SERPINA5: variants seen among roughly 807,000 people sequenced by gnomAD.
SERPINA5 encodes the protein serpin family A member 5.
A neutral mutation model predicts 25.3 loss-of-function variants in SERPINA5; 25 were observed. The ratio of observed to expected loss-of-function variants is 0.99; its 90% CI spans 0.72 to 1.38. The LOEUF is 1.38. Among genes scored for constraint, SERPINA5 ranks in the 40% most tolerant of loss-of-function variants. The pLI, the probability that SERPINA5 is intolerant of heterozygous loss-of-function variation, is 0.00. For synonymous variants in SERPINA5, 234 were observed against 206.2 expected (o/e 1.14, Z -1.16); for missense variants, 599 against 509.5 (o/e 1.18, Z -1.69).
intron 2 of SERPINA5, among the ~76,000 whole-genome samples, chr14:94,583,104 G>A (rs573829072): frequency 4.3e-4 from 65 of 152,352 alleles, no homozygotes; most frequent in Middle Eastern, 3.4e-3. Context: ...GCCAGGTGCA[G>A]CCAGGTCACA....
At position 94,590,776 on chromosome 14, in the gene SERPINA5, C is replaced by T. The variant is rs1324681090; in HGVS notation, c.918C>T (p.Phe306=). ...AGCTCGAGCTTTACCTTCCCAAATT[C>T]TCCATTGAGGGCTCCTATCAGCTGG... ...KRQLELYLPK[F]SIEGSYQLEK... is the part of the protein sequence containing the mutation. The change falls in exon 5 of 6, where the codon TTC becomes TTT. Residue 306 remains phenylalanine, a synonymous_variant. Coordinates refer to ENST00000329597, the MANE Select transcript of SERPINA5 (RefSeq NM_000624.6). The T allele has an allele frequency of 7.4e-6, 12 of 1,613,864 alleles. No individual in the cohort carries two copies. The highest frequency in any genetic ancestry group is 1.3e-5 in the African/African-American group (1 of 74,894).
chr14:94,590,397 T>C lies in SERPINA5; in HGVS notation c.890+86T>C, dbSNP rs1566838755. 9 of 1,464,150 alleles carry C rather than the reference T, an allele frequency of 6.1e-6. No homozygotes were observed. In the South Asian group the frequency reaches 1.2e-4, roughly 19 times the overall value. 90.7% of individuals were successfully genotyped at this position (1,464,150 alleles called of 1,614,324 possible). On this transcript the variant is annotated intron_variant, in intron 4 of 5. Coordinates refer to ENST00000329597, the MANE Select transcript of SERPINA5 (RefSeq NM_000624.6). ...CCCTACCAGGGCCACACAGCACTGG[T>C]GGGAAGGACTCACCCAGCCAAGGAG...
rs551426115 is a variant in SERPINA5 at position 94,592,094 on chromosome 14, G to T, written c.1076G>T (p.Gly359Val). 1 of 1,613,960 alleles carries T rather than the reference G, an allele frequency of 6.2e-7. No individual in the cohort carries two copies. The highest frequency in any genetic ancestry group is 1.3e-5 in the African/African-American group (1 of 75,054). Residue 359 changes from glycine (G) to valine (V), a missense_variant, in exon 6 of 6, where the codon GGA becomes GTA. Transcript: ENST00000329597. ...HKAVVEVDESGTRAAAATGTI... is the reference protein window; with the variant it reads ...HKAVVEVDESVTRAAAATGTI... ...GCTGTGGTGGAGGTGGACGAGTCGGGAACCAGAGCAGCGGCAGCCACGGGG... is the reference window on the plus strand; with the variant it reads ...GCTGTGGTGGAGGTGGACGAGTCGGTAACCAGAGCAGCGGCAGCCACGGGG...
rs564032574 is a variant in SERPINA5, at chr14:94,583,931, G to A, written c.-18+2221G>A. The stretch of plus-strand genomic sequence containing the variant: ...CCACCAGAGGCCCAAGAGTGCGATG[G>A]CAAACCCTGGATTTGAAACTAAGAA... On this transcript the variant is annotated intron_variant, in intron 2 of 5. Transcript: ENST00000329597. 2.6e-5 allele frequency among the ~76,000 whole-genome samples: 4 copies of A among 152,282 alleles called. No individual in the cohort carries two copies. The South Asian group carries it at 8.3e-4, about 32-fold the overall frequency.
chr14:94,587,109 C>G (rs1385171861), intron 2 of SERPINA5: 1 of 471,502 alleles, frequency 2.1e-6, no homozygotes, highest in Non-Finnish European at 3.7e-6. Flanking sequence ...CAGCCAGACC[C>G]CTGCCTTGGG....
At chr14:94,585,901 G>A (rs1423819642) in intron 2 of SERPINA5, among the ~76,000 whole-genome samples, 7 of 152,180 alleles carry the variant, frequency 4.6e-5, no homozygotes, top group East Asian at 1.9e-4. Flanking sequence ...TCCATAGCAC[G>A]TGCCCCCAAG....
Position 94,587,095 on chromosome 14 carries a change from C to T in SERPINA5, c.-17-251C>T, listed in dbSNP as rs1293155902. On this transcript the variant is annotated intron_variant, in intron 2 of 5. Transcript: ENST00000329597. ...TGGATGGGTAGACAGGATTCCTGCC[C>T]TGGCAGCCAGACCCCTGCCTTGGGT... 9 of 447,088 alleles carry T rather than the reference C, an allele frequency of 2.0e-5. No homozygotes were observed. The South Asian group carries it at 2.7e-4, about 14-fold the overall frequency. 27.7% of individuals were successfully genotyped at this position (447,088 alleles called of 1,614,324 possible). A position where few individuals can be genotyped will look rare whatever the true frequency, so the allele number is the denominator to read the frequency against.
At position 94,587,914 on chromosome 14, in the gene SERPINA5, T is replaced by A. The variant is rs1456435469; in HGVS notation, c.552T>A (p.Ile184=). 6.2e-7 allele frequency: 1 copy of A among 1,614,224 alleles called. No homozygotes were observed. Among genetic ancestry groups the A allele is most frequent in the East Asian group, 2.2e-5 (1 of 44,876 alleles). ...DYVAKQTKGK[I]VDLLKNLDSN... The stretch of plus-strand genomic sequence containing the variant: ...TGGCAAAGCAAACGAAGGGCAAGAT[T>A]GTGGACTTGCTTAAGAACCTCGATA... Residue 184 remains isoleucine, a synonymous_variant, in exon 3 of 6, where the codon ATT becomes ATA. Coordinates refer to ENST00000329597, the MANE Select transcript of SERPINA5 (RefSeq NM_000624.6).
intron 2 of SERPINA5, among the ~76,000 whole-genome samples, chr14:94,584,426 G>C (rs1282383572): frequency 6.6e-6 from 1 of 152,094 alleles, no homozygotes; most frequent in African/African-American, 2.4e-5. Context: ...CAAGATTTCT[G>C]GGTCTCAAAC....
In SERPINA5 at chr14:94,592,271, A is replaced by T. The variant is rs930545805; in HGVS notation, c.*32A>T. On this transcript the variant is annotated 3_prime_UTR_variant, in exon 6 of 6. Transcript: ENST00000329597. ...GCTTCTCCTGAAATCTACAGGCCTC[A>T]GGGTGGGAGATGAAGGGGGCTAAGC... 1 of 1,592,788 alleles carries T rather than the reference A, an allele frequency of 6.3e-7. No homozygotes were observed. The highest frequency in any genetic ancestry group is 1.3e-5 in the African/African-American group (1 of 74,368).
chr14:94,584,690 G>C (rs1275760116), intron 2 of SERPINA5, among the ~76,000 whole-genome samples: 2 of 152,180 alleles, frequency 1.3e-5, no homozygotes, highest in East Asian at 3.9e-4. Context: ...GCCTCACTGA[G>C]ACTCTCTGGT....
intron 2 of SERPINA5, among the ~76,000 whole-genome samples, chr14:94,582,941 T>C (rs1167456537): frequency 2.0e-5 from 3 of 152,158 alleles, no homozygotes; most frequent in Non-Finnish European, 4.4e-5. Flanking sequence ...TATGCAGAAG[T>C]TGGCCTCAGT....
intron 2 of SERPINA5, among the ~76,000 whole-genome samples, chr14:94,584,561 G>A (rs1203848996): frequency 6.6e-6 from 1 of 152,072 alleles, no homozygotes; most frequent in East Asian, 1.9e-4. Context: ...AGGGGGCGGG[G>A]TCTTGAGGGG....
intron 3 of SERPINA5, among the ~76,000 whole-genome samples, chr14:94,588,477 C>A (rs77614165): frequency 4.6e-5 from 7 of 152,174 alleles, no homozygotes; most frequent in Non-Finnish European, 1.0e-4. Context: ...TCAGCAAGAG[C>A]TGACCTCTGC....
chr14:94,590,060 C>T lies in SERPINA5; in HGVS notation c.639C>T (p.Phe213=). The T allele has an allele frequency of 6.3e-7, 1 of 1,585,538 alleles. No homozygotes were observed. Among genetic ancestry groups the T allele is most frequent in the Non-Finnish European group, 8.6e-7 (1 of 1,159,912 alleles). The change falls in exon 4 of 6, where the codon TTC becomes TTT. Residue 213 remains phenylalanine, a synonymous_variant. Coordinates refer to ENST00000329597, the MANE Select transcript of SERPINA5 (RefSeq NM_000624.6). ...CTTTAGCTAAGTGGGAGACAAGCTT[C>T]AACCACAAAGGCACCCAAGAGCAAG... ...IFFKAKWETS[F]NHKGTQEQDF... is the part of the protein sequence containing the mutation.
chr14:94,587,337 C>T lies in SERPINA5; in HGVS notation c.-17-9C>T. ...ACCCCTCTCTGAGGACACCTTCTTT[C>T]CCTTTCAGAACAAAGAACAGCCACC... On this transcript the variant is annotated splice_polypyrimidine_tract_variant and intron_variant, in intron 2 of 5. Transcript: ENST00000329597. 6.4e-7 allele frequency: 1 copy of T among 1,571,636 alleles called. No individual in the cohort carries two copies. The highest frequency in any genetic ancestry group is 1.4e-5 in the African/African-American group (1 of 73,462).
At chr14:94,591,549 G>GTTCTATTGTA (rs1555384914) in intron 5 of SERPINA5, among the ~76,000 whole-genome samples, 1 of 108,302 alleles carries the variant, frequency 9.2e-6, no homozygotes, top group East Asian at 2.9e-4. Flanking sequence ...ATTCTGTTCT[G>GTTCTATTGTA]TTCTATTCTA....
intron 2 of SERPINA5, among the ~76,000 whole-genome samples, chr14:94,586,509 C>T (rs1230905441): frequency 1.3e-5 from 2 of 152,118 alleles, no homozygotes; most frequent in African/African-American, 4.8e-5. Flanking sequence ...TGTGTAAGGA[C>T]GTAGTCATAT....
rs138001666 is a variant in SERPINA5, at chr14:94,590,279, G to C, written c.858G>C (p.Thr286=). 1.2e-6 allele frequency: 2 copies of C among 1,610,024 alleles called. No homozygotes were observed. Among genetic ancestry groups the C allele is most frequent in the East Asian group, 2.2e-5 (1 of 44,766 alleles). ...QQVENGLSEK[T]LRKWLKMFKK... Reference sequence around the variant, plus strand: ...TGGAGAATGGACTGAGTGAGAAAACGCTGAGGAAGTGGCTTAAGATGTTCA... The same window carrying C: ...TGGAGAATGGACTGAGTGAGAAAACCCTGAGGAAGTGGCTTAAGATGTTCA... The change falls in exon 4 of 6, where the codon ACG becomes ACC. Residue 286 remains threonine, a synonymous_variant. Coordinates refer to ENST00000329597, the MANE Select transcript of SERPINA5 (RefSeq NM_000624.6).
Sources: allele counts gnomAD v4.1 joint callset (sites outside exome capture counted in the v4.1 genomes callset), GRCh38; gene constraint gnomAD v4.1.1; transcripts MANE v1.5; gene names NCBI Gene and HGNC (gene_info 2026-07-23, HGNC 2026-07-21).